Variants in SLC2A9 observed in about 807,000 individuals in gnomAD.
SLC2A9 encodes the protein solute carrier family 2, facilitated glucose transporter member 9.
In SLC2A9, 39 loss-of-function variants were observed where a neutral mutation model predicts 50.6. That is an observed-to-expected ratio of 0.77 (90% CI 0.60 to 1.01). The LOEUF (loss-of-function observed/expected upper bound fraction) is 1.01, where lower values mean the gene tolerates loss of function less well. SLC2A9 is among the 50% of genes least tolerant of loss of function. The pLI is 0.00. For synonymous variants in SLC2A9, 324 were observed against 276.9 expected (o/e 1.17, Z -1.69); for missense variants, 686 against 677.6 (o/e 1.01, Z -0.14).
At chr4:9,929,204 T>C (rs997407719) in intron 6 of SLC2A9, among the ~76,000 whole-genome samples, 1 of 152,274 alleles carries the variant, frequency 6.6e-6, no homozygotes, top group Admixed American at 6.5e-5. Context: ...ACAGTCAGTA[T>C]TCCCACTTTG....
chr4:9,899,457 C>G (rs1012517535), intron 8 of SLC2A9, among the ~76,000 whole-genome samples: 3 of 152,204 alleles, frequency 2.0e-5, no homozygotes, highest in Non-Finnish European at 4.4e-5. Context: ...TTTACTTTCA[C>G]AGATCTCTCT....
intron 2 of SLC2A9, among the ~76,000 whole-genome samples, chr4:9,997,154 CT>C (rs1560460456): frequency 6.7e-6 from 1 of 149,044 alleles, no homozygotes. Context: ...CATTTTTTTT[CT>C]TTTATGGCTA....
chr4:9,895,110 T>C (rs6449097), intron 8 of SLC2A9, among the ~76,000 whole-genome samples: 60,289 of 152,186 alleles, frequency 0.4, 14,131 homozygotes, highest in Non-Finnish European at 0.52. Flanking sequence ...AACCATTATC[T>C]TACACCATGA....
chr4:9,960,781 G>C (rs1752141272), intron 5 of SLC2A9, among the ~76,000 whole-genome samples: 2 of 152,186 alleles, frequency 1.3e-5, no homozygotes, highest in African/African-American at 2.4e-5. Flanking sequence ...GGAGTGGCAT[G>C]AGGATTATGG....
intron 8 of SLC2A9, 38 bp downstream of exon 8, chr4:9,908,197 C>A (rs1196557078): frequency 7.3e-7 from 1 of 1,371,556 alleles, no homozygotes; most frequent in African/African-American, 1.4e-5. Context: ...TGTGTAACCC[C>A]CTGTGGCATT....
rs1206275011 is a variant in SLC2A9 at position 9,835,741 on chromosome 4, T to A, written c.1292-733A>T. On this transcript the variant is annotated intron_variant, in intron 10 of 11. Transcript: ENST00000264784. ...CAGGAATGGAAAACCAAACATCGTATGTTGTCACTCAAAAGTGAGAGCTAA... is the reference window on the plus strand; with the variant it reads ...CAGGAATGGAAAACCAAACATCGTAAGTTGTCACTCAAAAGTGAGAGCTAA... Among the ~76,000 whole-genome samples, 4 of 152,122 alleles carry A rather than the reference T, an allele frequency of 2.6e-5. No individual in the cohort carries two copies. The East Asian group carries it at 5.8e-4, about 22-fold the overall frequency.
chr4:9,930,936 C>T (rs1348224621), intron 6 of SLC2A9, among the ~76,000 whole-genome samples: 2 of 152,074 alleles, frequency 1.3e-5, no homozygotes, highest in African/African-American at 4.8e-5. Flanking sequence ...TAAAGCAAGC[C>T]CAGAACCCCA....
At chr4:9,790,789 T>A (rs1397707966) in intron 3 of SLC2A9, among the ~76,000 whole-genome samples, 1 of 152,188 alleles carries the variant, frequency 6.6e-6, no homozygotes, top group Non-Finnish European at 1.5e-5. Flanking sequence ...ATTGGATGTG[T>A]TAGAATGTAT....
At chr4:9,878,571 T>C (rs577536129) in intron 10 of SLC2A9, among the ~76,000 whole-genome samples, 2 of 152,084 alleles carry the variant, frequency 1.3e-5, no homozygotes, top group African/African-American at 2.4e-5. Flanking sequence ...TGCACCCCCA[T>C]ACCTTCTGTA....
At chr4:9,852,009 G>A (rs1730008119) in intron 10 of SLC2A9, among the ~76,000 whole-genome samples, 1 of 152,158 alleles carries the variant, frequency 6.6e-6, no homozygotes, top group Admixed American at 6.5e-5. Context: ...TGAGGATATT[G>A]TCCATGAAAA....
chr4:9,926,932 C>A (rs750186398), intron 6 of SLC2A9, among the ~76,000 whole-genome samples: 2 of 152,014 alleles, frequency 1.3e-5, no homozygotes, highest in African/African-American at 2.4e-5. Flanking sequence ...GACTGCTGGT[C>A]CCCGTCGGAA....
At chr4:9,802,849 C>A (rs1214446718) in intron 3 of SLC2A9, among the ~76,000 whole-genome samples, 1 of 152,196 alleles carries the variant, frequency 6.6e-6, no homozygotes, top group Non-Finnish European at 1.5e-5. Flanking sequence ...CAGGCGTGAG[C>A]CACAGCGCCC....
chr4:10,026,082 G>A, upstream of SLC2A9: 1 of 1,078,716 alleles, frequency 9.3e-7, no homozygotes, highest in Non-Finnish European at 1.4e-6. Flanking sequence ...GTGGCCTGGA[G>A]CAGTCTTCGA....
At chr4:9,785,577 T>A (rs761754195) in intron 3 of SLC2A9, among the ~76,000 whole-genome samples, 9 of 152,256 alleles carry the variant, frequency 5.9e-5, no homozygotes, top group Non-Finnish European at 1.2e-4. Context: ...TGAAAAACAC[T>A]GTTCTAGGCT....
At chr4:9,993,075 T>C (rs1757990632) in intron 3 of SLC2A9, among the ~76,000 whole-genome samples, 1 of 152,254 alleles carries the variant, frequency 6.6e-6, no homozygotes, top group Admixed American at 6.5e-5. Flanking sequence ...GTGTCTTTCT[T>C]GTTCACTGAA....
intron 2 of SLC2A9, among the ~76,000 whole-genome samples, chr4:10,004,951 C>G (rs1760509404): frequency 6.6e-6 from 1 of 152,206 alleles, no homozygotes. Context: ...TCATTCCTAT[C>G]TTACTTGGGA....
intron 10 of SLC2A9, among the ~76,000 whole-genome samples, chr4:9,840,508 T>A (rs1727872460): frequency 6.6e-6 from 1 of 152,232 alleles, no homozygotes; most frequent in African/African-American, 2.4e-5. Flanking sequence ...TGTAAAATAA[T>A]TTTTTAAAGC....
At chr4:9,899,861 G>A (rs562155083) in intron 8 of SLC2A9, among the ~76,000 whole-genome samples, 22 of 152,278 alleles carry the variant, frequency 1.4e-4, no homozygotes, top group African/African-American at 5.3e-4. Context: ...CAGCAGACAG[G>A]CTTTTCCAAG....
At chr4:9,941,340 C>T (rs532949887) in intron 6 of SLC2A9, among the ~76,000 whole-genome samples, 2 of 152,286 alleles carry the variant, frequency 1.3e-5, no homozygotes, top group Non-Finnish European at 2.9e-5. Context: ...AGCCCCTTTG[C>T]GAGCCTTATT....
Sources: gnomAD v4.1 joint callset for allele counts (sites outside exome capture counted in the v4.1 genomes callset) on GRCh38, gnomAD v4.1.1 for gene constraint, MANE v1.5 for transcripts, NCBI Gene and HGNC (gene_info 2026-07-23, HGNC 2026-07-21) for gene names.